The following CSMD1 variants were observed in gnomAD, a reference collection of about 807,000 sequenced individuals.
The protein encoded by CSMD1 is CUB and Sushi multiple domains 1.
In CSMD1, 213 loss-of-function variants were observed where a neutral mutation model predicts 417.5. The observed-to-expected ratio is 0.51, with a 90% CI of 0.46 to 0.57. The LOEUF (loss-of-function observed/expected upper bound fraction) is 0.57, where lower values mean the gene tolerates loss of function less well. CSMD1 is among the 20% of genes least tolerant of loss of function. CSMD1 has a pLI of 0.00. For missense variants in CSMD1, 6,923 were observed against 4,529.7 expected (o/e 1.53, Z -15.17); for synonymous variants, 2,862 against 1,736.8 (o/e 1.65, Z -16.11).
chr8:3,185,233 T>A (rs1821673362), intron 36 of CSMD1, among the ~76,000 whole-genome samples: 1 of 152,246 alleles, frequency 6.6e-6, no homozygotes, highest in Non-Finnish European at 1.5e-5. Flanking sequence ...AGCGTCAGAA[T>A]TGCATTGCAG....
At chr8:4,622,586 T>C (rs906724131) in intron 2 of CSMD1, among the ~76,000 whole-genome samples, 1 of 152,134 alleles carries the variant, frequency 6.6e-6, no homozygotes, top group African/African-American at 2.4e-5. Flanking sequence ...GCGACATGTG[T>C]ACAAGGTTTG....
At chr8:3,720,587 C>A (rs1296904788) in intron 6 of CSMD1, among the ~76,000 whole-genome samples, 1 of 148,534 alleles carries the variant, frequency 6.7e-6, no homozygotes, top group Non-Finnish European at 1.5e-5. Flanking sequence ...GTAGGAGAAA[C>A]CTCACAGCAT....
chr8:3,078,698 C>T (rs942271768), intron 49 of CSMD1, among the ~76,000 whole-genome samples: 14 of 152,104 alleles, frequency 9.2e-5, no homozygotes, highest in African/African-American at 2.4e-4. Flanking sequence ...TGAAGGTCTA[C>T]GTGGCCCTTT....
intron 7 of CSMD1, among the ~76,000 whole-genome samples, chr8:3,658,594 C>G (rs1798248937): frequency 6.6e-6 from 1 of 151,622 alleles, no homozygotes; most frequent in African/African-American, 2.4e-5. Context: ...ACCAGCTTGG[C>G]CAACATGACA....
intron 2 of CSMD1, among the ~76,000 whole-genome samples, chr8:4,588,428 A>G (rs931014961): frequency 6.3e-5 from 9 of 143,684 alleles, no homozygotes; most frequent in South Asian, 2.3e-4. Context: ...CTCTTCCTCT[A>G]GATAGTACAG....
rs1029764944 is a variant in CSMD1, at chr8:4,148,739, C to T, written c.416-116640G>A. Among the ~76,000 whole-genome samples, 6 of 152,062 alleles carry T rather than the reference C, an allele frequency of 3.9e-5. No homozygotes were observed. In the South Asian group the frequency reaches 1.2e-3, roughly 32 times the overall value. ...CTCCACTCTCATCACCTCCTTGCCTCCTAAAGGCTCCACATCCTAATGCCA... is the reference window on the plus strand; with the variant it reads ...CTCCACTCTCATCACCTCCTTGCCTTCTAAAGGCTCCACATCCTAATGCCA... On this transcript the variant is annotated intron_variant, in intron 3 of 69. Transcript: ENST00000635120.
At chr8:3,804,628 CG>C (rs1554442960) in intron 5 of CSMD1, among the ~76,000 whole-genome samples, 1 of 151,556 alleles carries the variant, frequency 6.6e-6, no homozygotes, top group Non-Finnish European at 1.5e-5. Context: ...AATCACTTTA[CG>C]ATAAAATGCA....
intron 1 of CSMD1, among the ~76,000 whole-genome samples, chr8:4,758,763 G>A (rs1811835487): frequency 6.6e-6 from 1 of 152,146 alleles, no homozygotes; most frequent in Non-Finnish European, 1.5e-5. Context: ...CAGATCTGGT[G>A]AGAAGTCCCT....
Position 3,406,135 on chromosome 8 carries a change from A to G in CSMD1, c.2158T>C (p.Ser720Pro). The change falls in exon 15 of 70, where the codon TCT (serine) becomes CCT (proline). Residue 720 changes from serine (S) to proline (P), a missense_variant. By Grantham distance (74) the Ser-to-Pro change is moderately conservative. Coordinates refer to ENST00000635120, the MANE Select transcript of CSMD1 (RefSeq NM_033225.6). ...GDRFLLGSSVSFHCDDGFVKT... is the reference protein window; with the variant it reads ...GDRFLLGSSVPFHCDDGFVKT... ...ACAAAGCCATCATCACAGTGGAAAG[A>G]AACCGAGCTCCCGAGTAGAAACCTG... is the stretch of plus-strand genomic sequence containing the variant. 4 of 1,613,912 alleles carry G rather than the reference A, an allele frequency of 2.5e-6. No homozygotes were observed. The highest frequency in any genetic ancestry group is 3.4e-6 in the Non-Finnish European group (4 of 1,179,860).
At chr8:4,141,939 A>G (rs1235977407) in intron 3 of CSMD1, among the ~76,000 whole-genome samples, 1 of 151,136 alleles carries the variant, frequency 6.6e-6, no homozygotes, top group Non-Finnish European at 1.5e-5. Flanking sequence ...TGCTATCCAA[A>G]ATAACATCAT....
chr8:3,395,566 T>C (rs980192778), intron 17 of CSMD1, among the ~76,000 whole-genome samples: 3 of 152,222 alleles, frequency 2.0e-5, no homozygotes, highest in Admixed American at 6.5e-5. Flanking sequence ...ATGTGGAAGT[T>C]TGGACTGTTT....
chr8:3,250,898 G>C (rs1270211806), intron 26 of CSMD1, among the ~76,000 whole-genome samples: 1 of 152,098 alleles, frequency 6.6e-6, no homozygotes, highest in Non-Finnish European at 1.5e-5. Flanking sequence ...TCACCCACTT[G>C]TTGATGGGGT....
chr8:3,631,686 G>A (rs774826413), intron 7 of CSMD1, among the ~76,000 whole-genome samples: 3 of 152,192 alleles, frequency 2.0e-5, no homozygotes, highest in South Asian at 2.1e-4. Context: ...GATTGAAGTC[G>A]TCAGACGGAG....
rs115666732 is a variant in CSMD1 at position 3,902,203 on chromosome 8, C to G, written c.818+95700G>C. On this transcript the variant is annotated intron_variant, in intron 5 of 69. Transcript: ENST00000635120. ...ATGGAGAATCTCACTTCTGATACTT[C>G]AGCATTTTCTATGATTTTCAGCCCA... Among the ~76,000 whole-genome samples the G allele has an allele frequency of 7.2e-3, 1,089 of 152,304 alleles. 16 individuals are homozygous for G. Among genetic ancestry groups the G allele is most frequent in the African/African-American group, 0.025 (1,040 of 41,570 alleles).
intron 3 of CSMD1, among the ~76,000 whole-genome samples, chr8:4,264,042 A>T (rs931698997): frequency 3.9e-5 from 6 of 152,160 alleles, no homozygotes; most frequent in African/African-American, 1.2e-4. Flanking sequence ...GAACTTGGGC[A>T]AGTTTGTTAA....
intron 5 of CSMD1, among the ~76,000 whole-genome samples, chr8:3,919,387 G>A (rs55738548): frequency 2.0e-5 from 3 of 152,054 alleles, no homozygotes; most frequent in Non-Finnish European, 2.9e-5. Flanking sequence ...ATGTGTTGAA[G>A]AGACTCTCTT....
At position 3,930,224 on chromosome 8, in the gene CSMD1, G is replaced by C. The variant is rs756418406; in HGVS notation, c.818+67679C>G. On this transcript the variant is annotated intron_variant, in intron 5 of 69. Coordinates refer to ENST00000635120, the MANE Select transcript of CSMD1 (RefSeq NM_033225.6). ...GATGATTCTATACGTGACAAGTAAA[G>C]TAGAGGTCCTTCTTCAAAGACTTTC... is the stretch of plus-strand genomic sequence containing the variant. 2.1e-4 allele frequency among the ~76,000 whole-genome samples: 31 copies of C among 150,258 alleles called. 1 individual carries two copies. Among genetic ancestry groups the C allele is most frequent in the Admixed American group, 3.3e-4 (5 of 15,102 alleles).
At chr8:3,857,966 T>C (rs1804432017) in intron 5 of CSMD1, among the ~76,000 whole-genome samples, 1 of 152,228 alleles carries the variant, frequency 6.6e-6, no homozygotes, top group Non-Finnish European at 1.5e-5. Context: ...GTGACTTCTC[T>C]GTATAAAATT....
chr8:3,900,886 C>A (rs1230743760), intron 5 of CSMD1, among the ~76,000 whole-genome samples: 3 of 152,180 alleles, frequency 2.0e-5, no homozygotes, highest in East Asian at 1.9e-4. Flanking sequence ...CGTGCTCAGG[C>A]GTTTGCTTGA....
Sources: allele counts gnomAD v4.1 joint callset (sites outside exome capture counted in the v4.1 genomes callset), GRCh38; gene constraint gnomAD v4.1.1; transcripts MANE v1.5; gene names NCBI Gene and HGNC (gene_info 2026-07-23, HGNC 2026-07-21).